VEPH1: variants seen among roughly 807,000 people sequenced by gnomAD.
The protein encoded by VEPH1 is ventricular zone-expressed PH domain-containing protein homolog 1.
Under a neutral mutation model 85.2 loss-of-function variants are expected in VEPH1, and 80 were observed. The ratio of observed to expected loss-of-function variants is 0.94; its 90% CI spans 0.78 to 1.13. VEPH1 has a LOEUF of 1.13. Ranked by LOEUF, VEPH1 falls within the 50% of genes most tolerant of loss-of-function variation. The probability of loss-of-function intolerance (pLI) is 0.00; values close to 1 mark genes in which losing one functional copy is unlikely to be tolerated. For missense variants in VEPH1, 955 were observed against 980.5 expected, an observed-to-expected ratio of 0.97 and a Z score of 0.35; for synonymous variants, 297 against 348.0, an observed-to-expected ratio of 0.85 and a Z score of 1.63.
At chr3:157,459,560 T>A in intron 4 of VEPH1, 1 of 1,088,968 alleles carries the variant, frequency 9.2e-7, no homozygotes, top group Non-Finnish European at 1.1e-6. Flanking sequence ...TGACTTCAAG[T>A]TCAAAAACAT....
At chr3:157,371,499 C>G (rs1333203985) in intron 7 of VEPH1, among the ~76,000 whole-genome samples, 1 of 152,164 alleles carries the variant, frequency 6.6e-6, no homozygotes, top group Admixed American at 6.5e-5. Flanking sequence ...ATCCCTGGAC[C>G]AGCGGCATCA....
chr3:157,411,059 G>T (rs559102418), intron 6 of VEPH1, among the ~76,000 whole-genome samples: 10 of 152,294 alleles, frequency 6.6e-5, no homozygotes, highest in Middle Eastern at 3.4e-3. Context: ...GGTTGTGTTT[G>T]ATGGCCTGGA....
chr3:157,349,928 T>G (rs1164991687), intron 9 of VEPH1, among the ~76,000 whole-genome samples: 1 of 152,040 alleles, frequency 6.6e-6, no homozygotes, highest in East Asian at 1.9e-4. Flanking sequence ...TTAATATCAT[T>G]AAAATGACCA....
At chr3:157,490,436 TAAAC>T (rs1382777131) in intron 2 of VEPH1, among the ~76,000 whole-genome samples, 3 of 150,892 alleles carry the variant, frequency 2.0e-5, no homozygotes, top group Non-Finnish European at 3.0e-5. Context: ...AAAAAAAACA[TAAAC>T]AGATACTTCA....
chr3:157,442,179 C>T (rs1734176546), intron 4 of VEPH1, among the ~76,000 whole-genome samples: 1 of 151,996 alleles, frequency 6.6e-6, no homozygotes, highest in Middle Eastern at 3.4e-3. Context: ...AGACAATTGG[C>T]TTTCCTTTTT....
At chr3:157,327,868 T>G (rs902822381) in intron 9 of VEPH1, among the ~76,000 whole-genome samples, 1 of 152,176 alleles carries the variant, frequency 6.6e-6, no homozygotes, top group African/African-American at 2.4e-5. Flanking sequence ...TCACAAGCAA[T>G]GTTTCTGCCC....
chr3:157,424,124 G>A (rs1412782070), intron 5 of VEPH1, among the ~76,000 whole-genome samples: 1 of 152,036 alleles, frequency 6.6e-6, no homozygotes, highest in Non-Finnish European at 1.5e-5. Context: ...TGAATAATGG[G>A]GGAAGTTTCC....
At chr3:157,382,086 G>T (rs1228365306) in intron 6 of VEPH1, among the ~76,000 whole-genome samples, 1 of 152,132 alleles carries the variant, frequency 6.6e-6, no homozygotes, top group Non-Finnish European at 1.5e-5. Context: ...TGTCTGTCGG[G>T]GTGATGGTTG....
At chr3:157,459,973 T>C (rs775480462) in intron 4 of VEPH1, 11 of 1,537,706 alleles carry the variant, frequency 7.2e-6, no homozygotes, top group Non-Finnish European at 9.6e-6. Context: ...TTTTAATGAG[T>C]CTAAGTAATT....
intron 9 of VEPH1, among the ~76,000 whole-genome samples, chr3:157,332,656 G>C (rs888183246): frequency 6.6e-6 from 1 of 152,050 alleles, no homozygotes; most frequent in African/African-American, 2.4e-5. Flanking sequence ...ATGGACAATT[G>C]AGTTGTTTCT....
In VEPH1 at chr3:157,305,132, C is replaced by T. The variant is rs1311714211; in HGVS notation, c.2010+8489G>A. Among the ~76,000 whole-genome samples, 76 of 96,360 alleles carry T rather than the reference C, an allele frequency of 7.9e-4. 1 individual carries two copies. In the South Asian group the frequency reaches 0.015, roughly 19 times the overall value. 63.2% of individuals were successfully genotyped at this position (96,360 alleles called of 152,430 possible). On this transcript the variant is annotated intron_variant, in intron 11 of 13. Coordinates refer to ENST00000362010, the MANE Select transcript of VEPH1 (RefSeq NM_001167912.2). ...TTTTTTTTTTTTTTTTTTTTTGAGA[C>T]GGAGTCTCGCTCTGTCGCCCAGGCT...
At chr3:157,395,709 T>G (rs1401740110) in intron 6 of VEPH1, among the ~76,000 whole-genome samples, 2 of 151,978 alleles carry the variant, frequency 1.3e-5, no homozygotes, top group African/African-American at 4.8e-5. Context: ...CCAATTTTCT[T>G]TTTTTTTAAC....
intron 4 of VEPH1, among the ~76,000 whole-genome samples, chr3:157,448,789 G>A (rs1734736901): frequency 6.6e-6 from 1 of 152,124 alleles, no homozygotes; most frequent in East Asian, 1.9e-4. Flanking sequence ...CAAATTCATT[G>A]CCCAAGTGAT....
intron 2 of VEPH1, among the ~76,000 whole-genome samples, chr3:157,472,402 T>C (rs906083408): frequency 1.3e-5 from 2 of 152,250 alleles, no homozygotes; most frequent in Non-Finnish European, 2.9e-5. Flanking sequence ...ATTCATTTCC[T>C]AGTAATTGTT....
chr3:157,301,485 C>G (rs923884083), intron 11 of VEPH1, among the ~76,000 whole-genome samples: 1 of 152,168 alleles, frequency 6.6e-6, no homozygotes, highest in Non-Finnish European at 1.5e-5. Context: ...ACAATCCCCC[C>G]ACTTACCAAC....
At chr3:157,335,851 C>T (rs1238979391) in intron 9 of VEPH1, among the ~76,000 whole-genome samples, 1 of 152,152 alleles carries the variant, frequency 6.6e-6, no homozygotes, top group Non-Finnish European at 1.5e-5. Flanking sequence ...TACAATCAAG[C>T]ACACCATTTC....
chr3:157,318,701 G>C (rs186008400), intron 9 of VEPH1, among the ~76,000 whole-genome samples: 3 of 151,906 alleles, frequency 2.0e-5, no homozygotes, highest in South Asian at 2.1e-4. Flanking sequence ...TAGATTCAGT[G>C]ATCCAGTATG....
intron 12 of VEPH1, among the ~76,000 whole-genome samples, chr3:157,271,741 C>A (rs548440813): frequency 6.3e-4 from 96 of 152,248 alleles, no homozygotes; most frequent in Admixed American, 3.5e-3. Context: ...ACATGGCAGC[C>A]TGTGGGACAT....
intron 7 of VEPH1, among the ~76,000 whole-genome samples, chr3:157,378,854 C>T (rs1287613542): frequency 1.3e-5 from 2 of 152,108 alleles, no homozygotes; most frequent in Admixed American, 1.3e-4. Flanking sequence ...TCATCCACCC[C>T]CCTCTTCTTC....
Sources: gnomAD v4.1 joint callset for allele counts (sites outside exome capture counted in the v4.1 genomes callset) on GRCh38, gnomAD v4.1.1 for gene constraint, MANE v1.5 for transcripts, NCBI Gene and HGNC (gene_info 2026-07-23, HGNC 2026-07-21) for gene names.